The following GLIS3 variants were observed in gnomAD, a reference collection of about 807,000 sequenced individuals.
The protein encoded by GLIS3 is zinc finger protein GLIS3.
Under a neutral mutation model 78.6 loss-of-function variants are expected in GLIS3, and 53 were observed. The observed-to-expected ratio is 0.67, with a 90% CI of 0.54 to 0.85. The LOEUF (loss-of-function observed/expected upper bound fraction) is 0.85, where lower values mean the gene tolerates loss of function less well. Ranked by LOEUF, GLIS3 falls within the 40% of genes least tolerant of loss-of-function variation. GLIS3 has a pLI of 0.00. For missense variants in GLIS3, 1,703 were observed against 1,231.1 expected, an observed-to-expected ratio of 1.38 and a Z score of -5.74; for synonymous variants, 684 against 509.9, an observed-to-expected ratio of 1.34 and a Z score of -4.60.
intron 4 of GLIS3, among the ~76,000 whole-genome samples, chr9:3,968,492 G>A (rs376848970): frequency 5.9e-5 from 9 of 152,044 alleles, no homozygotes; most frequent in Admixed American, 2.0e-4. Flanking sequence ...GTGATAATCC[G>A]TCTATACAAA....
At chr9:4,002,381 T>G (rs887865295) in intron 4 of GLIS3, among the ~76,000 whole-genome samples, 1 of 152,318 alleles carries the variant, frequency 6.6e-6, no homozygotes, top group East Asian at 1.9e-4. Flanking sequence ...TTTGTGTTAT[T>G]TGAAGCCACT....
intron 2 of GLIS3, among the ~76,000 whole-genome samples, chr9:4,196,079 C>T (rs1011950299): frequency 6.6e-6 from 1 of 152,072 alleles, no homozygotes; most frequent in Admixed American, 6.5e-5. Flanking sequence ...GACCAATCAG[C>T]ACTCTGTCTA....
At chr9:4,477,111 G>A in the GLIS3 span, among the ~76,000 whole-genome samples, 43 of 152,116 alleles carry the variant, frequency 2.8e-4, 2 homozygotes, top group East Asian at 6.6e-3. Context: ...ATACTTGTAC[G>A]TCCATATTCA....
chr9:4,158,339 G>C (rs1425282472), intron 2 of GLIS3, among the ~76,000 whole-genome samples: 1 of 152,188 alleles, frequency 6.6e-6, no homozygotes, highest in Non-Finnish European at 1.5e-5. Context: ...TCCAAAGAGG[G>C]CAGAGGTCAC....
At chr9:4,215,943 C>G (rs1357286962) in intron 2 of GLIS3, among the ~76,000 whole-genome samples, 1 of 152,164 alleles carries the variant, frequency 6.6e-6, no homozygotes, top group African/African-American at 2.4e-5. Flanking sequence ...AAAGCTGATT[C>G]TAATGAAATT....
chr9:4,311,291 C>A (rs765034805), intron 2 of GLIS3, among the ~76,000 whole-genome samples: 2 of 152,180 alleles, frequency 1.3e-5, no homozygotes, highest in Non-Finnish European at 2.9e-5. Context: ...TGCCTGTAAT[C>A]CCAGCAACTT....
At chr9:4,220,734 A>G (rs1330165577) in intron 2 of GLIS3, among the ~76,000 whole-genome samples, 3 of 147,094 alleles carry the variant, frequency 2.0e-5, no homozygotes, top group South Asian at 2.1e-4. Flanking sequence ...CATTTCAAAG[A>G]AAAAAAAAAA....
At chr9:4,235,799 T>C (rs1047781336) in intron 2 of GLIS3, among the ~76,000 whole-genome samples, 2 of 152,150 alleles carry the variant, frequency 1.3e-5, no homozygotes, top group African/African-American at 4.8e-5. Flanking sequence ...AATAATAACA[T>C]GGCTGTGCTC....
chr9:4,034,543 G>A (rs1028754452), intron 4 of GLIS3: 6 of 152,130 alleles, frequency 3.9e-5, no homozygotes, highest in East Asian at 1.9e-4. Context: ...GGGATCCTTT[G>A]GTCGTGTTGG....
At chr9:4,347,928 A>T (rs1817915900) in intron 1 of GLIS3, among the ~76,000 whole-genome samples, 1 of 152,202 alleles carries the variant, frequency 6.6e-6, no homozygotes. Context: ...CATTTAGGAT[A>T]TGTGTATTCT....
At chr9:3,860,043 A>G (rs1416118881) in intron 8 of GLIS3, among the ~76,000 whole-genome samples, 2 of 152,006 alleles carry the variant, frequency 1.3e-5, no homozygotes, top group Non-Finnish European at 2.9e-5. Flanking sequence ...TGGGAGGCCG[A>G]GGCGGGTGGA....
the GLIS3 span, among the ~76,000 whole-genome samples, chr9:4,367,191 C>T: frequency 1.5e-3 from 233 of 152,306 alleles, 2 homozygotes; most frequent in African/African-American, 5.3e-3. Context: ...GCTTGTAAGC[C>T]GCCGACGGCA....
At chr9:4,414,099 T>C in the GLIS3 span, among the ~76,000 whole-genome samples, 6 of 152,226 alleles carry the variant, frequency 3.9e-5, no homozygotes, top group East Asian at 1.2e-3. Flanking sequence ...AATGTGAAGC[T>C]GGCAAAATCA....
intron 2 of GLIS3, among the ~76,000 whole-genome samples, chr9:4,267,142 C>T (rs1826089363): frequency 6.6e-6 from 1 of 152,160 alleles, no homozygotes; most frequent in Non-Finnish European, 1.5e-5. Context: ...CACCCACCCC[C>T]ACACACACCC....
intron 2 of GLIS3, among the ~76,000 whole-genome samples, chr9:4,331,860 A>G (rs921702127): frequency 2.6e-5 from 4 of 152,176 alleles, no homozygotes; most frequent in African/African-American, 9.7e-5. Flanking sequence ...AGGCCCAGAA[A>G]CAAGAGAAAA....
intron 2 of GLIS3, among the ~76,000 whole-genome samples, chr9:4,332,256 G>A (rs1021455725): frequency 1.3e-5 from 2 of 152,156 alleles, no homozygotes; most frequent in African/African-American, 2.4e-5. Context: ...CACTGATAGC[G>A]CCTTTCCTTC....
At chr9:4,361,079 T>G in the GLIS3 span, among the ~76,000 whole-genome samples, 12 of 152,222 alleles carry the variant, frequency 7.9e-5, no homozygotes, top group Non-Finnish European at 1.5e-4. Flanking sequence ...ACTATTGTTA[T>G]TGGATGCTGT....
intron 4 of GLIS3, among the ~76,000 whole-genome samples, chr9:3,995,869 C>T (rs1205277074): frequency 6.6e-6 from 1 of 151,982 alleles, no homozygotes; most frequent in Non-Finnish European, 1.5e-5. Flanking sequence ...GGTGATAATA[C>T]AGTGATGGAG....
chr9:3,961,248 G>A (rs1817529051), intron 4 of GLIS3, among the ~76,000 whole-genome samples: 1 of 152,194 alleles, frequency 6.6e-6, no homozygotes, highest in African/African-American at 2.4e-5. Context: ...CCCAGAAGAT[G>A]TGGAAACAGT....
Sources: gnomAD v4.1 joint callset for allele counts (sites outside exome capture counted in the v4.1 genomes callset) on GRCh38, gnomAD v4.1.1 for gene constraint, MANE v1.5 for transcripts, NCBI Gene and HGNC (gene_info 2026-07-23, HGNC 2026-07-21) for gene names.